TMPRSS12: variants seen among roughly 807,000 people sequenced by gnomAD.
TMPRSS12 encodes transmembrane serine protease 12.
A neutral mutation model predicts 26.0 loss-of-function variants in TMPRSS12; 25 were observed. The observed-to-expected ratio is 0.96, with a 90% CI of 0.70 to 1.34. The LOEUF (loss-of-function observed/expected upper bound fraction) is 1.34. Ranked by LOEUF, TMPRSS12 falls within the 40% of genes most tolerant of loss-of-function variation. TMPRSS12 has a pLI of 0.00. For synonymous variants in TMPRSS12, 150 were observed against 161.7 expected (o/e 0.93, Z 0.55); for missense variants, 441 against 440.1 (o/e 1.00, Z -0.02).
intron 3 of TMPRSS12, among the ~76,000 whole-genome samples, chr12:50,872,596 G>GTATATGTACACATATATGACGTA (rs1938059097): frequency 1.1e-5 from 1 of 90,808 alleles, no homozygotes; most frequent in African/African-American, 4.9e-5. Context: ...TATATATGAC[G>GTATATGTACACATATATGACGTA]TATATGTACA....
Position 50,859,002 on chromosome 12 carries a change from G to C in TMPRSS12, c.601G>C (p.Asp201His). Residue 201 changes from aspartate (D) to histidine (H), a missense_variant, in exon 3 of 5, where the codon GAC (aspartate) becomes CAC (histidine). By Grantham distance (81) the Asp-to-His change is moderately conservative. Transcript: ENST00000398458. ...ACCTTTTGATGTTTTCCAAATCCTG[G>C]ACGGAAACACAAAGTGTTTTATAAG... Reference protein sequence around the residue: ...CLPFDVFQILDGNTKCFISGW... With the variant: ...CLPFDVFQILHGNTKCFISGW... 6.2e-7 allele frequency: 1 copy of C among 1,603,806 alleles called. No individual in the cohort carries two copies. The highest frequency in any genetic ancestry group is 8.5e-7 in the Non-Finnish European group (1 of 1,175,624).
chr12:50,867,026 TG>T (rs1169210980), intron 3 of TMPRSS12, among the ~76,000 whole-genome samples: 1 of 152,166 alleles, frequency 6.6e-6, no homozygotes, highest in Non-Finnish European at 1.5e-5. Context: ...CCTACCCAAA[TG>T]AGATGGAACC....
intron 3 of TMPRSS12, among the ~76,000 whole-genome samples, chr12:50,860,905 C>T (rs1160299372): frequency 1.3e-5 from 2 of 151,970 alleles, no homozygotes; most frequent in Admixed American, 6.6e-5. Flanking sequence ...GCCATTGTGC[C>T]CAGCTTTTGT....
chr12:50,866,068 G>A (rs1318335527), intron 3 of TMPRSS12, among the ~76,000 whole-genome samples: 1 of 152,166 alleles, frequency 6.6e-6, no homozygotes, highest in Admixed American at 6.5e-5. Flanking sequence ...GCTCTAATGT[G>A]GATGGACAGA....
At position 50,843,884 on chromosome 12, in the gene TMPRSS12, G is replaced by C; in HGVS notation, c.230G>C (p.Arg77Pro). The change falls in exon 2 of 5, where the codon CGG becomes CCG. Residue 77 changes from arginine to proline, a missense_variant. Physicochemically the swap from Arg to Pro is moderately radical, Grantham distance 103. Transcript: ENST00000398458. ...CTTAAGGATGTGTTGCAAGGGTCTC[G>C]GATTATAGGGGGCACCGAAGCACAA... The part of the protein sequence containing the change: ...APLKDVLQGS[R>P]IIGGTEAQAG... The C allele has an allele frequency of 6.4e-7, 1 of 1,566,806 alleles. No homozygotes were observed. Among genetic ancestry groups the C allele is most frequent in the Non-Finnish European group, 8.7e-7 (1 of 1,155,518 alleles).
intron 2 of TMPRSS12, among the ~76,000 whole-genome samples, chr12:50,855,421 A>G (rs1659388): frequency 0.65 from 98,473 of 151,950 alleles, 32,214 homozygotes; most frequent in Non-Finnish European, 0.7. Context: ...CACTTCTCAA[A>G]AGACATACAT....
chr12:50,887,150 GA>G, intron 4 of TMPRSS12, 111 bp from the exon 5 acceptor site: 1 of 1,144,972 alleles, frequency 8.7e-7, no homozygotes, highest in South Asian at 1.8e-5. Context: ...GGGGTATATT[GA>G]AAATGTGTAT....
intron 1 of TMPRSS12, 72 bp downstream of exon 1, chr12:50,843,223 G>A: frequency 7.1e-7 from 1 of 1,417,358 alleles, no homozygotes; most frequent in Non-Finnish European, 9.2e-7. Flanking sequence ...CTTTGAATTC[G>A]GGTTTCTCCT....
chr12:50,848,343 C>T (rs1267227072), intron 2 of TMPRSS12: 3 of 152,176 alleles, frequency 2.0e-5, no homozygotes, highest in Admixed American at 6.6e-5. Flanking sequence ...CACTTCCCAC[C>T]CAGAAATCGG....
At chr12:50,881,551 T>C (rs1314897518) in intron 3 of TMPRSS12, among the ~76,000 whole-genome samples, 4 of 152,178 alleles carry the variant, frequency 2.6e-5, no homozygotes, top group Non-Finnish European at 5.9e-5. Flanking sequence ...ATGACTCATA[T>C]GTCAAAGAGG....
intron 1 of TMPRSS12, 44 bp downstream of exon 1, chr12:50,843,195 T>C (rs1264229765): frequency 5.4e-6 from 8 of 1,493,188 alleles, no homozygotes; most frequent in Admixed American, 2.3e-5. Context: ...TCTCTTACCT[T>C]TTCCCCACCG....
At chr12:50,858,376 G>A (rs112283353) in intron 2 of TMPRSS12, among the ~76,000 whole-genome samples, 2,338 of 152,204 alleles carry the variant, frequency 0.015, 20 homozygotes, top group Non-Finnish European at 0.024. Context: ...TCTAAAAGAT[G>A]GGAACTCTTT....
chr12:50,864,619 T>G (rs1937971232), intron 3 of TMPRSS12, among the ~76,000 whole-genome samples: 1 of 152,174 alleles, frequency 6.6e-6, no homozygotes, highest in Admixed American at 6.5e-5. Flanking sequence ...TTTAAAGAAC[T>G]AAAAGGTAGA....
intron 4 of TMPRSS12, chr12:50,886,231 T>C (rs1938225087): frequency 6.6e-6 from 1 of 152,212 alleles, no homozygotes; most frequent in Non-Finnish European, 1.5e-5. Context: ...TACAAAATTT[T>C]TCTCCCATTC....
chr12:50,872,548 T>C (rs11169596), intron 3 of TMPRSS12, among the ~76,000 whole-genome samples: 21,522 of 92,652 alleles, frequency 0.23, 4,713 homozygotes, highest in Non-Finnish European at 0.35. Flanking sequence ...AAAAAGGAAC[T>C]GTGAAAAAAA....
At chr12:50,844,600 C>T (rs1272798409) in intron 2 of TMPRSS12, among the ~76,000 whole-genome samples, 1 of 152,128 alleles carries the variant, frequency 6.6e-6, no homozygotes, top group Non-Finnish European at 1.5e-5. Flanking sequence ...GTCTTGAACT[C>T]TTAACCTCAC....
Position 50,858,963 on chromosome 12 carries a change from C to T in TMPRSS12, c.562C>T (p.Gln188Ter). 6.3e-7 allele frequency: 1 copy of T among 1,594,654 alleles called. No individual in the cohort carries two copies. Among genetic ancestry groups the T allele is most frequent in the Non-Finnish European group, 8.6e-7 (1 of 1,169,550 alleles). ...AGCAGTGAGGTATAATGACTATATT[C>T]AGCCTATTTGCCTACCTTTTGATGT... ...KKAVRYNDYI[Q>*]PICLPFDVFQ... The change falls in exon 3 of 5, where the codon CAG becomes TAG. Residue 188 changes from glutamine (Q) to a stop codon, truncating the protein, a stop_gained. Coordinates refer to ENST00000398458, the MANE Select transcript of TMPRSS12 (RefSeq NM_182559.3). LOFTEE classifies it high-confidence loss of function.
intron 3 of TMPRSS12, among the ~76,000 whole-genome samples, chr12:50,874,018 A>G (rs905986352): frequency 6.6e-6 from 1 of 152,226 alleles, no homozygotes; most frequent in Non-Finnish European, 1.5e-5. Flanking sequence ...GAAAAAAATT[A>G]TAACTGGCTC....
intron 2 of TMPRSS12, among the ~76,000 whole-genome samples, chr12:50,845,401 C>T (rs1167888700): frequency 6.6e-6 from 1 of 151,988 alleles, no homozygotes; most frequent in Non-Finnish European, 1.5e-5. Context: ...TAGAGTTTGC[C>T]CTCTGCCCTC....
Sources: gnomAD v4.1 joint callset for allele counts (sites outside exome capture counted in the v4.1 genomes callset) on GRCh38, gnomAD v4.1.1 for gene constraint, MANE v1.5 for transcripts, NCBI Gene and HGNC (gene_info 2026-07-23, HGNC 2026-07-21) for gene names.